The following DNASE1L1 variants were observed in gnomAD, a reference collection of about 807,000 sequenced individuals.
DNASE1L1 encodes the protein deoxyribonuclease-1-like 1.
Under a neutral mutation model 18.6 loss-of-function variants are expected in DNASE1L1, and 8 were observed. The ratio of observed to expected loss-of-function variants is 0.43; its 90% CI spans 0.25 to 0.78. The LOEUF (loss-of-function observed/expected upper bound fraction) is 0.78, where lower values mean the gene tolerates loss of function less well. Among genes scored for constraint, DNASE1L1 ranks in the 30% least tolerant of loss-of-function variants. DNASE1L1 has a pLI of 0.23. For synonymous variants in DNASE1L1, 114 were observed against 114.2 expected (o/e 1.00, Z 0.01); for missense variants, 214 against 258.2 (o/e 0.83, Z 1.17).
chrX:154,403,410 A>G (rs981522440), intron 5 of DNASE1L1, 29 bp from the exon 6 acceptor site: 4 of 1,202,696 alleles, frequency 3.3e-6, no homozygotes, highest in Admixed American at 4.4e-5. Flanking sequence ...GAGGGCTGCC[A>G]TCCACTCCTG....
At position 154,409,202 on chromosome X, in the gene DNASE1L1, AG is replaced by A; in HGVS notation, c.-179del. On this transcript the variant is annotated 5_prime_UTR_variant, in exon 1 of 8. Coordinates refer to ENST00000369807, the MANE Select transcript of DNASE1L1 (RefSeq NM_001303620.2). ...CAGCTCCTGCCTGAATAGGGCTAGG[AG>A]GGGAAAAAAAAGAGGAAGAGGCTGT... The A allele has an allele frequency of 3.1e-6, 1 of 321,373 alleles. No homozygotes were observed. The highest frequency in any genetic ancestry group is 6.3e-6 in the Non-Finnish European group (1 of 159,963). The allele number at this position is 321,373 out of a possible 1,213,427, so 26.5% of individuals were successfully genotyped here.
Position 154,405,664 on chromosome X carries a change from T to C in DNASE1L1, c.-87-9A>G. ...TTCTGGCTCTGGAAGCGCTGAAATA[T>C]GGAACAGAGAAAGTGGCACTAGCTG... On this transcript the variant is annotated splice_polypyrimidine_tract_variant and intron_variant, in intron 1 of 7. Coordinates refer to ENST00000369807, the MANE Select transcript of DNASE1L1 (RefSeq NM_001303620.2). 3.2e-6 allele frequency: 3 copies of C among 924,736 alleles called. No homozygotes were observed. The highest frequency in any genetic ancestry group is 4.2e-6 in the Non-Finnish European group (3 of 706,703). The allele number at this position is 924,736 out of a possible 1,213,427, so 76.2% of individuals were successfully genotyped here.
At chrX:154,407,360 C>T (rs187247565) in intron 1 of DNASE1L1, among the ~76,000 whole-genome samples, 3,615 of 102,030 alleles carry the variant, frequency 0.035, 97 homozygotes, top group Non-Finnish European at 0.056. Context: ...GCCTCAGCCT[C>T]CCGAGTAGCT....
upstream of DNASE1L1, chrX:154,409,889 G>A (rs1250106098): frequency 7.1e-5 from 8 of 112,317 alleles, no homozygotes; most frequent in African/African-American, 2.6e-4. Flanking sequence ...CTTCTCATGG[G>A]ATGGCTGTAG....
chrX:154,405,429 C>T lies in DNASE1L1; in HGVS notation c.135+5G>A. 8.5e-7 allele frequency: 1 copy of T among 1,181,573 alleles called. No individual in the cohort carries two copies. The highest frequency in any genetic ancestry group is 1.1e-6 in the Non-Finnish European group (1 of 876,075). ...GGCACGGCTTCCCTGAAGTGATGAA[C>T]TTACCCGAACTAAGGTGTCCATCAC... On this transcript the variant is annotated splice_donor_5th_base_variant and intron_variant, in intron 2 of 7. Transcript: ENST00000369807.
intron 4 of DNASE1L1, among the ~76,000 whole-genome samples, chrX:154,404,138 G>T: frequency 1.0e-5 from 1 of 99,606 alleles, no homozygotes; most frequent in South Asian, 4.5e-4. Flanking sequence ...TGGACACTTT[G>T]ATGTCATTCT....
At chrX:154,412,080 C>G (rs782099193), upstream of DNASE1L1, 9 of 1,208,834 alleles carry the variant, frequency 7.4e-6, no homozygotes, top group Non-Finnish European at 1.0e-5. Flanking sequence ...TCTCCTTCCC[C>G]GCCAGAGTAC....
At position 154,401,300 on chromosome X, in the gene DNASE1L1, T is replaced by G; in HGVS notation, c.*1407A>C. ...GGGTAGGTGTGCATCACATTGGGCT[T>G]GTTCTCACCCATCTGGTTTGGCCAT... On this transcript the variant is annotated 3_prime_UTR_variant, in exon 8 of 8. Transcript: ENST00000369807. 1 of 209,485 alleles carries G rather than the reference T, an allele frequency of 4.8e-6. No homozygotes were observed. The highest frequency in any genetic ancestry group is 6.4e-5 in the Admixed American group (1 of 15,512). 17.3% of individuals were successfully genotyped at this position (209,485 alleles called of 1,213,427 possible).
intron 1 of DNASE1L1, among the ~76,000 whole-genome samples, chrX:154,407,218 ATTTTTTTTTTTTTTTTTTTTTT>A (rs782115573): frequency 1.9e-4 from 5 of 25,734 alleles, no homozygotes; most frequent in African/African-American, 2.4e-4. Flanking sequence ...AAGTGCTGGG[ATTTTTTTTTTTTTTTTTTTTTT>A]TTTTTTTTTT....
At chrX:154,404,498 C>T (rs782388655) in intron 4 of DNASE1L1, among the ~76,000 whole-genome samples, 22 of 112,303 alleles carry the variant, frequency 2.0e-4, no homozygotes, top group Admixed American at 1.9e-3. Context: ...GTGGTCCCCA[C>T]GGAGCCTCTT....
Position 154,401,603 on chromosome X carries a change from G to A in DNASE1L1, c.*1104C>T, listed in dbSNP as rs1407546028. 1 of 112,066 alleles carries A rather than the reference G, an allele frequency of 8.9e-6. No homozygotes were observed. The highest frequency in any genetic ancestry group is 3.3e-5 in the African/African-American group (1 of 30,536). 9.2% of individuals were successfully genotyped at this position (112,066 alleles called of 1,213,427 possible). On this transcript the variant is annotated 3_prime_UTR_variant, in exon 8 of 8. Transcript: ENST00000369807. The stretch of plus-strand genomic sequence containing the variant: ...TGGCTTTTGGGGGAGCAGCAAAAAT[G>A]AGAGGAGTGCTAGGTGGGTGGCCTG...
At chrX:154,404,634 T>A (rs1431641901) in intron 4 of DNASE1L1, among the ~76,000 whole-genome samples, 194 bp downstream of exon 4, 1 of 112,719 alleles carries the variant, frequency 8.9e-6, no homozygotes, top group Non-Finnish European at 1.9e-5. Context: ...GAAGGCCTCC[T>A]GCTCTATGGA....
upstream of DNASE1L1, chrX:154,409,328 A>T (rs2068218962): frequency 4.1e-6 from 1 of 242,168 alleles, no homozygotes; most frequent in Non-Finnish European, 7.9e-6. Flanking sequence ...GCCAACAAGG[A>T]GGACCAGCAC....
At chrX:154,405,715 C>T in intron 1 of DNASE1L1, 60 bp from the exon 2 acceptor site, 1 of 522,668 alleles carries the variant, frequency 1.9e-6, no homozygotes, top group Non-Finnish European at 2.9e-6. Context: ...CTCCCAGTGA[C>T]CTCCCGAGAT....
At chrX:154,408,588 A>C (rs2148169648) in intron 1 of DNASE1L1, 1 of 111,894 alleles carries the variant, frequency 8.9e-6, no homozygotes, top group Admixed American at 9.5e-5. Context: ...TCCTTGCTCC[A>C]CGCCCTGTCC....
chrX:154,410,752 G>A (rs1041510914), upstream of DNASE1L1, among the ~76,000 whole-genome samples: 17 of 108,515 alleles, frequency 1.6e-4, no homozygotes, highest in African/African-American at 4.0e-4. Flanking sequence ...GGCGACCTGC[G>A]CCTGTAGTCC....
chrX:154,407,781 T>C (rs1417084847), intron 1 of DNASE1L1, among the ~76,000 whole-genome samples: 3 of 91,670 alleles, frequency 3.3e-5, no homozygotes, highest in Non-Finnish European at 4.4e-5. Context: ...TTTTTTTTTT[T>C]TTTTTTGATA....
rs782404891 is a variant in DNASE1L1, at chrX:154,404,797, C to A, written c.311+31G>T. 20 of 1,192,156 alleles carry A rather than the reference C, an allele frequency of 1.7e-5. No homozygotes were observed. The Admixed American group carries it at 2.5e-4, about 15-fold the overall frequency. ...CACATTAGGGCCAAGGACCGCCCCC[C>A]ACCCTGCTGCGCTGCCAGCTCCGTG... On this transcript the variant is annotated intron_variant, in intron 4 of 7. Transcript: ENST00000369807.
rs1557186300 is a variant in DNASE1L1 at position 154,401,492 on chromosome X, T to A, written c.*1215A>T. ...GTCTAGGCTAACCTTTGGTCATTTG[T>A]AACAAGACCTCGGAACAGACACGTG... On this transcript the variant is annotated 3_prime_UTR_variant, in exon 8 of 8. Transcript: ENST00000369807. 2 of 123,209 alleles carry A rather than the reference T, an allele frequency of 1.6e-5. No individual in the cohort carries two copies. The highest frequency in any genetic ancestry group is 3.2e-5 in the African/African-American group (1 of 31,175). The allele number at this position is 123,209 out of a possible 1,213,427, so 10.2% of individuals were successfully genotyped here.
Sources: gnomAD v4.1 joint callset for allele counts (sites outside exome capture counted in the v4.1 genomes callset) on GRCh38, gnomAD v4.1.1 for gene constraint, MANE v1.5 for transcripts, NCBI Gene and HGNC (gene_info 2026-07-23, HGNC 2026-07-21) for gene names.